KBTBD2: variants seen among roughly 807,000 people sequenced by gnomAD.
The protein encoded by KBTBD2 is kelch repeat and BTB domain containing 2.
A neutral mutation model predicts 57.1 loss-of-function variants in KBTBD2; 17 were observed. The ratio of observed to expected loss-of-function variants is 0.30; its 90% CI spans 0.20 to 0.45. KBTBD2 has a LOEUF of 0.45. Ranked by LOEUF, KBTBD2 falls within the 20% of genes least tolerant of loss-of-function variation. KBTBD2 has a pLI of 1.00. For synonymous variants in KBTBD2, 267 were observed against 262.7 expected (o/e 1.02, Z -0.16); for missense variants, 515 against 750.6 (o/e 0.69, Z 3.67).
intron 1 of KBTBD2, among the ~76,000 whole-genome samples, chr7:32,886,403 TAAATG>T (rs1407069564): frequency 1.3e-5 from 2 of 152,254 alleles, no homozygotes; most frequent in Non-Finnish European, 1.5e-5. Context: ...ACATTGTTAC[TAAATG>T]ATTGTCAGGA....
intron 2 of KBTBD2, among the ~76,000 whole-genome samples, chr7:32,876,306 A>C (rs1489543946): frequency 2.6e-5 from 4 of 152,242 alleles, no homozygotes; most frequent in African/African-American, 9.6e-5. Context: ...GCCATTCAAA[A>C]TGGATAAAAC....
At position 32,869,569 on chromosome 7, in the gene KBTBD2, C is replaced by A. The variant is rs779255249; in HGVS notation, c.1648G>T (p.Val550Phe). Residue 550 changes from valine to phenylalanine, a missense_variant, in exon 4 of 4, where the codon GTC becomes TTC. Transcript: ENST00000304056. ...AGTTCCAGGTCATATTGGTAGGTGA[C>A]GTATTTAGCTCGCTCATTTAAGTGG... is the stretch of plus-strand genomic sequence containing the variant. The part of the protein sequence containing the change: ...ETHLNERAKY[V>F]TYQYDLELDR... 6.2e-7 allele frequency: 1 copy of A among 1,613,986 alleles called. No homozygotes were observed. Among genetic ancestry groups the A allele is most frequent in the Admixed American group, 1.7e-5 (1 of 59,990 alleles).
chr7:32,875,187 T>A (rs1784282556), intron 2 of KBTBD2, 30 bp from the exon 3 acceptor site: 1 of 1,602,208 alleles, frequency 6.2e-7, no homozygotes, highest in Non-Finnish European at 8.5e-7. Flanking sequence ...AACAAAGTTG[T>A]AAGGGTTTTG....
chr7:32,879,619 A>G lies in KBTBD2; in HGVS notation c.-15T>C, dbSNP rs751631476. On this transcript the variant is annotated 5_prime_UTR_variant, in exon 2 of 4. Coordinates refer to ENST00000304056, the MANE Select transcript of KBTBD2 (RefSeq NM_015483.3). ...TGAGTGGACATGACTGTATTCCATT[A>G]ATATCTCCAGGAACAGATTAGAAAA... 1.2e-6 allele frequency: 2 copies of G among 1,607,778 alleles called. No homozygotes were observed. The highest frequency in any genetic ancestry group is 3.3e-5 in the Admixed American group (2 of 59,784).
At chr7:32,871,907 C>T (rs112430127) in intron 3 of KBTBD2, among the ~76,000 whole-genome samples, 4 of 152,002 alleles carry the variant, frequency 2.6e-5, no homozygotes, top group Non-Finnish European at 1.5e-5. Flanking sequence ...ATACGGTTTT[C>T]GTTAAAATGG....
intron 1 of KBTBD2, among the ~76,000 whole-genome samples, chr7:32,884,950 TTA>T (rs138179213): frequency 0.2 from 29,328 of 144,582 alleles, 3,687 homozygotes; most frequent in Admixed American, 0.4. Context: ...TATATTTCTT[TTA>T]TATATATATG....
chr7:32,872,915 T>C (rs551211543), intron 3 of KBTBD2, among the ~76,000 whole-genome samples: 1 of 152,314 alleles, frequency 6.6e-6, no homozygotes, highest in South Asian at 2.1e-4. Context: ...GTACTCAACC[T>C]ATGGAAGATT....
In KBTBD2 at chr7:32,868,498, T is replaced by G. The variant is rs1784081040; in HGVS notation, c.*847A>C. On this transcript the variant is annotated 3_prime_UTR_variant, in exon 4 of 4. Transcript: ENST00000304056. The stretch of plus-strand genomic sequence containing the variant: ...CTCTACAGTAATGCTTGTTATTAAA[T>G]TAAGATGTAATGACCTGGTTAACCC... The G allele has an allele frequency of 6.6e-6, 1 of 152,630 alleles. No individual in the cohort carries two copies. Among genetic ancestry groups the G allele is most frequent in the African/African-American group, 2.4e-5 (1 of 41,444 alleles). 9.5% of individuals were successfully genotyped at this position (152,630 alleles called of 1,614,324 possible).
chr7:32,874,963 T>A (rs1278479981), intron 3 of KBTBD2, 29 bp downstream of exon 3: 1 of 1,598,422 alleles, frequency 6.3e-7, no homozygotes, highest in South Asian at 1.1e-5. Context: ...AGAGAGAGAC[T>A]CCGTCTAAAA....
At chr7:32,880,728 A>G (rs1784425996) in intron 1 of KBTBD2, among the ~76,000 whole-genome samples, 1 of 152,232 alleles carries the variant, frequency 6.6e-6, no homozygotes, top group Non-Finnish European at 1.5e-5. Context: ...TTTGAGGGGA[A>G]GAAGGGCAAG....
At chr7:32,884,923 C>T (rs1443207630) in intron 1 of KBTBD2, among the ~76,000 whole-genome samples, 1 of 146,892 alleles carries the variant, frequency 6.8e-6, no homozygotes, top group African/African-American at 2.6e-5. Context: ...CCAAACGCTG[C>T]TTTATTTTTA....
intron 3 of KBTBD2, among the ~76,000 whole-genome samples, chr7:32,873,384 C>CAAAAAAA (rs544661966): frequency 8.4e-5 from 9 of 107,744 alleles, no homozygotes; most frequent in South Asian, 3.3e-4. Flanking sequence ...AAGCTCTAAG[C>CAAAAAAA]AAAAAAAAAA....
chr7:32,873,971 G>A (rs1253228740), intron 3 of KBTBD2, among the ~76,000 whole-genome samples: 1 of 152,042 alleles, frequency 6.6e-6, no homozygotes. Flanking sequence ...ATAGATAAAA[G>A]ACATTACTGG....
At chr7:32,878,085 C>A (rs570835218) in intron 2 of KBTBD2, among the ~76,000 whole-genome samples, 1 of 150,458 alleles carries the variant, frequency 6.6e-6, no homozygotes, top group East Asian at 2.0e-4. Context: ...GCACTCCAGC[C>A]TGGGTGACAG....
chr7:32,890,385 AAAAAAAGTCGGGG>A (rs1173295498), intron 1 of KBTBD2, among the ~76,000 whole-genome samples: 1 of 152,202 alleles, frequency 6.6e-6, no homozygotes, highest in Non-Finnish European at 1.5e-5. Flanking sequence ...TTAGATCAGA[AAAAAAAGTCGGGG>A]AAAAAAGTCC....
Position 32,869,116 on chromosome 7 carries a change from TAA to T in KBTBD2, c.*227_*228del, listed in dbSNP as rs1272575913. The T allele has an allele frequency of 2.7e-5, 12 of 441,624 alleles. No individual in the cohort carries two copies. Among genetic ancestry groups the T allele is most frequent in the Admixed American group, 1.2e-4 (3 of 24,822 alleles). 27.4% of individuals were successfully genotyped at this position (441,624 alleles called of 1,614,324 possible). ...ATTCTTATACTCTCATGATTACACA[TAA>T]AGTTTCTCAATTATTGAATAATCTA... On this transcript the variant is annotated 3_prime_UTR_variant, in exon 4 of 4. Coordinates refer to ENST00000304056, the MANE Select transcript of KBTBD2 (RefSeq NM_015483.3).
chr7:32,881,435 C>A (rs2127954177), intron 1 of KBTBD2, among the ~76,000 whole-genome samples: 1 of 152,100 alleles, frequency 6.6e-6, no homozygotes, highest in Non-Finnish European at 1.5e-5. Context: ...CCATTAGTTA[C>A]CATAATGAGA....
chr7:32,877,072 G>A (rs960555407), intron 2 of KBTBD2, among the ~76,000 whole-genome samples: 3 of 152,104 alleles, frequency 2.0e-5, no homozygotes, highest in Non-Finnish European at 2.9e-5. Context: ...AGGCTGGAGT[G>A]CAGTGGTGGT....
chr7:32,881,593 T>C (rs1239463600), intron 1 of KBTBD2, among the ~76,000 whole-genome samples: 1 of 152,168 alleles, frequency 6.6e-6, no homozygotes, highest in Non-Finnish European at 1.5e-5. Flanking sequence ...CAAGTTAACT[T>C]TGAAAGTAAC....
Sources: allele counts gnomAD v4.1 joint callset (sites outside exome capture counted in the v4.1 genomes callset), GRCh38; gene constraint gnomAD v4.1.1; transcripts MANE v1.5; gene names NCBI Gene and HGNC (gene_info 2026-07-23, HGNC 2026-07-21).